Variants in MACROD2 observed in about 807,000 individuals in gnomAD.
The protein encoded by MACROD2 is ADP-ribose glycohydrolase MACROD2.
Under a neutral mutation model 70.4 loss-of-function variants are expected in MACROD2, and 36 were observed. The ratio of observed to expected loss-of-function variants is 0.51; its 90% CI spans 0.39 to 0.68. The LOEUF is 0.68. Among genes scored for constraint, MACROD2 ranks in the 30% least tolerant of loss-of-function variants. The pLI, the probability that MACROD2 is intolerant of heterozygous loss-of-function variation, is 0.00. For missense variants in MACROD2, 496 were observed against 538.4 expected, an observed-to-expected ratio of 0.92 and a Z score of 0.78; for synonymous variants, 172 against 178.8, an observed-to-expected ratio of 0.96 and a Z score of 0.30.
At chr20:14,258,586 A>G (rs1345364606) in intron 3 of MACROD2, among the ~76,000 whole-genome samples, 1 of 151,772 alleles carries the variant, frequency 6.6e-6, no homozygotes, top group Non-Finnish European at 1.5e-5. Flanking sequence ...AATTTATTTG[A>G]GCTCCCTGTA....
chr20:15,672,943 G>A (rs2050002048), intron 8 of MACROD2, among the ~76,000 whole-genome samples: 1 of 152,096 alleles, frequency 6.6e-6, no homozygotes, highest in Non-Finnish European at 1.5e-5. Flanking sequence ...ATTTTATAAA[G>A]GTGAGTTCCC....
chr20:14,450,223 TTATAACTGAGTCCACCACTGCAACTG>T (rs2084230113), intron 3 of MACROD2, among the ~76,000 whole-genome samples: 1 of 152,134 alleles, frequency 6.6e-6, no homozygotes, highest in African/African-American at 2.4e-5. Context: ...CTAAATCACC[TTATAACTGAGTCCACCACTGCAACTG>T]TTTGCTTTTC....
chr20:15,866,536 G>A (rs1035203344), intron 9 of MACROD2, among the ~76,000 whole-genome samples: 4 of 152,122 alleles, frequency 2.6e-5, no homozygotes, highest in Non-Finnish European at 5.9e-5. Context: ...TGAAAAACGA[G>A]GATTCAGCTA....
rs115252968 is a variant in MACROD2 at position 15,393,796 on chromosome 20, A to C, written c.541-37609A>C. Among the ~76,000 whole-genome samples the C allele has an allele frequency of 7.2e-3, 1,101 of 152,236 alleles. 10 individuals carry two copies. Among genetic ancestry groups the C allele is most frequent in the African/African-American group, 0.026 (1,060 of 41,552 alleles). ...CCTTTGGAACCATCCACCTTCTAAC[A>C]AGGTAAGCCTGCCTTCTTGATTGCT... On this transcript the variant is annotated intron_variant, in intron 6 of 17. Coordinates refer to ENST00000684519, the MANE Select transcript of MACROD2 (RefSeq NM_001351661.2).
At chr20:14,256,966 C>T (rs2082061411) in intron 3 of MACROD2, among the ~76,000 whole-genome samples, 1 of 152,108 alleles carries the variant, frequency 6.6e-6, no homozygotes. Flanking sequence ...CATTCTAGTT[C>T]ACCACTGGCA....
chr20:14,629,663 C>T (rs1421047208), intron 4 of MACROD2, among the ~76,000 whole-genome samples: 1 of 152,256 alleles, frequency 6.6e-6, no homozygotes, highest in Middle Eastern at 3.4e-3. Context: ...TTCCCTGACT[C>T]CTTCTCTCCA....
chr20:15,849,496 C>A (rs377290405), intron 8 of MACROD2, among the ~76,000 whole-genome samples: 1 of 152,296 alleles, frequency 6.6e-6, no homozygotes, highest in East Asian at 1.9e-4. Context: ...CGTGACCAGG[C>A]TGCGGAGCCA....
chr20:15,890,314 A>T (rs1371668451), intron 10 of MACROD2, among the ~76,000 whole-genome samples: 2 of 152,186 alleles, frequency 1.3e-5, no homozygotes, highest in Non-Finnish European at 2.9e-5. Flanking sequence ...AAATGCAAAA[A>T]GTGATTTGGA....
chr20:16,035,807 C>G (rs1304401692), intron 15 of MACROD2, among the ~76,000 whole-genome samples: 1 of 151,660 alleles, frequency 6.6e-6, no homozygotes, highest in Non-Finnish European at 1.5e-5. Flanking sequence ...GTCCTGGTCT[C>G]ATCCTCCTCG....
chr20:14,672,144 A>T (rs190784715), intron 4 of MACROD2, among the ~76,000 whole-genome samples: 78 of 152,244 alleles, frequency 5.1e-4, no homozygotes, highest in Middle Eastern at 3.4e-3. Context: ...TTAATTATTG[A>T]TTCTATGGGT....
At chr20:14,455,458 T>C (rs138219935) in intron 3 of MACROD2, among the ~76,000 whole-genome samples, 2,167 of 151,970 alleles carry the variant, frequency 0.014, 40 homozygotes, top group Non-Finnish European at 0.018. Flanking sequence ...AAGCCTCTCA[T>C]TGGTAAATCT....
chr20:16,010,744 T>C (rs996945388), intron 15 of MACROD2, among the ~76,000 whole-genome samples: 1 of 152,134 alleles, frequency 6.6e-6, no homozygotes, highest in African/African-American at 2.4e-5. Flanking sequence ...TGGGGAAAGA[T>C]TTAGAAGCCC....
chr20:15,051,578 T>C (rs931269119), intron 5 of MACROD2, among the ~76,000 whole-genome samples: 2 of 152,096 alleles, frequency 1.3e-5, no homozygotes, highest in Admixed American at 6.6e-5. Flanking sequence ...GCTGAGTAGA[T>C]GAGGCCCACT....
chr20:14,478,517 T>A (rs1416458707), intron 3 of MACROD2, among the ~76,000 whole-genome samples: 12 of 152,340 alleles, frequency 7.9e-5, no homozygotes, highest in South Asian at 4.1e-4. Context: ...ATGGATTTTT[T>A]AAAAAATTTA....
intron 6 of MACROD2, among the ~76,000 whole-genome samples, chr20:15,371,251 G>T (rs888072857): frequency 3.3e-5 from 5 of 152,082 alleles, no homozygotes; most frequent in Non-Finnish European, 7.4e-5. Context: ...CTTCATCACG[G>T]CTTGCCTTTC....
At chr20:14,009,163 A>G in intron 2 of MACROD2, among the ~76,000 whole-genome samples, 1 of 152,248 alleles carries the variant, frequency 6.6e-6, no homozygotes, top group East Asian at 1.9e-4. Flanking sequence ...AGAAACTCTC[A>G]GCATGAACAG....
At chr20:15,109,995 G>A (rs1183967744) in intron 5 of MACROD2, among the ~76,000 whole-genome samples, 1 of 152,110 alleles carries the variant, frequency 6.6e-6, no homozygotes, top group East Asian at 1.9e-4. Context: ...TGTTCAGAAT[G>A]TACAAGGAAC....
intron 6 of MACROD2, among the ~76,000 whole-genome samples, chr20:15,388,197 G>A (rs2045745722): frequency 1.3e-5 from 2 of 152,072 alleles, no homozygotes; most frequent in South Asian, 4.1e-4. Context: ...AAAAGGGAGA[G>A]TGGAGGTTCC....
At chr20:14,333,309 C>T (rs1033443888) in intron 3 of MACROD2, among the ~76,000 whole-genome samples, 1 of 152,144 alleles carries the variant, frequency 6.6e-6, no homozygotes, top group African/African-American at 2.4e-5. Context: ...ACGTTTCTGA[C>T]AAATGAATCA....
Sources: gnomAD v4.1 joint callset for allele counts (sites outside exome capture counted in the v4.1 genomes callset) on GRCh38, gnomAD v4.1.1 for gene constraint, MANE v1.5 for transcripts, NCBI Gene and HGNC (gene_info 2026-07-23, HGNC 2026-07-21) for gene names.